NPNT: variants seen among roughly 807,000 people sequenced by gnomAD.
NPNT encodes preosteoblast EGF-like repeat protein with MAM domain.
NPNT carries 45 observed loss-of-function variants against 68.6 expected under a neutral mutation model. The observed-to-expected ratio is 0.66, with a 90% CI of 0.52 to 0.84. NPNT has a LOEUF of 0.84. NPNT is among the 40% of genes least tolerant of loss of function. NPNT has a pLI of 0.00. For synonymous variants in NPNT, 233 were observed against 253.3 expected (o/e 0.92, Z 0.76); for missense variants, 672 against 714.8 (o/e 0.94, Z 0.68).
intron 2 of NPNT, among the ~76,000 whole-genome samples, chr4:105,926,513 C>T (rs1255155970): frequency 6.6e-6 from 1 of 152,056 alleles, no homozygotes; most frequent in African/African-American, 2.4e-5. Context: ...CCTAGTGTGA[C>T]AACCAAAAAT....
At chr4:105,936,154 A>T (rs536054540) in intron 3 of NPNT, among the ~76,000 whole-genome samples, 1 of 152,312 alleles carries the variant, frequency 6.6e-6, no homozygotes, top group South Asian at 2.1e-4. Context: ...TTGTTGATTC[A>T]TTTCATATTG....
chr4:105,945,684 G>A (rs1279514074), intron 8 of NPNT, among the ~76,000 whole-genome samples: 1 of 152,082 alleles, frequency 6.6e-6, no homozygotes, highest in Non-Finnish European at 1.5e-5. Context: ...TGGAATACAG[G>A]CCCAAAATCC....
chr4:105,961,257 T>C (rs1034058687), intron 10 of NPNT, among the ~76,000 whole-genome samples: 14 of 152,204 alleles, frequency 9.2e-5, no homozygotes, highest in African/African-American at 3.1e-4. Flanking sequence ...CTGGCCTCAG[T>C]AGGTGTGCAT....
At chr4:105,959,361 T>C (rs1731496791) in intron 10 of NPNT, among the ~76,000 whole-genome samples, 1 of 152,148 alleles carries the variant, frequency 6.6e-6, no homozygotes, top group South Asian at 2.1e-4. Context: ...GGTCAACTAA[T>C]TTCTCTCAAA....
At chr4:105,914,450 CATAATATAATAT>C in intron 2 of NPNT, among the ~76,000 whole-genome samples, 1 of 127,614 alleles carries the variant, frequency 7.8e-6, no homozygotes, top group Middle Eastern at 4.1e-3. Flanking sequence ...ATTACATATA[CATAATATAATAT>C]ATAATATATT....
At position 105,967,304 on chromosome 4, in the gene NPNT, A is replaced by G. The variant is rs1274387390; in HGVS notation, c.1462A>G (p.Lys488Glu). Reference sequence around the variant, plus strand: ...GGACCTGTGCCTGTCATTCAGGCACAAGGTGACGGGGCTGCACTCTGGCAC... The same window carrying G: ...GGACCTGTGCCTGTCATTCAGGCACGAGGTGACGGGGCTGCACTCTGGCAC... ...SGDLCLSFRH[K>E]VTGLHSGTLQ... is the part of the protein sequence containing the mutation. The change falls in exon 11 of 12, where the codon AAG (lysine) becomes GAG (glutamate). Residue 488 changes from lysine (K) to glutamate (E), a missense_variant. Lys to Glu is a moderately conservative substitution (Grantham distance 56, BLOSUM62 1). Coordinates refer to ENST00000379987, the MANE Select transcript of NPNT (RefSeq NM_001033047.3). 2 of 1,613,874 alleles carry G rather than the reference A, an allele frequency of 1.2e-6. No homozygotes were observed. The highest frequency in any genetic ancestry group is 3.3e-5 in the Admixed American group (2 of 59,978).
At chr4:105,967,658 T>C (rs146735817) in intron 11 of NPNT, among the ~76,000 whole-genome samples, 5 of 152,026 alleles carry the variant, frequency 3.3e-5, no homozygotes, top group African/African-American at 1.2e-4. Context: ...TCACCACCTC[T>C]CCCTAACCCT....
At chr4:105,908,222 G>A (rs1258052985) in intron 2 of NPNT, among the ~76,000 whole-genome samples, 1 of 151,392 alleles carries the variant, frequency 6.6e-6, no homozygotes, top group African/African-American at 2.4e-5. Flanking sequence ...AGATGCCAGG[G>A]GAGTGCAAAT....
In NPNT at chr4:105,937,171, G is replaced by T. The variant is rs752789805; in HGVS notation, c.385+43G>T. 5 of 1,606,004 alleles carry T rather than the reference G, an allele frequency of 3.1e-6. No homozygotes were observed. The South Asian group carries it at 4.4e-5, about 14-fold the overall frequency. ...ACTGTTTTATAAGTGCTTTGGGCTT[G>T]TTTCTGTTGTGCTCTGAGAGCTTGC... is the stretch of plus-strand genomic sequence containing the variant. On this transcript the variant is annotated intron_variant, in intron 4 of 11. Transcript: ENST00000379987.
intron 8 of NPNT, among the ~76,000 whole-genome samples, chr4:105,947,168 T>A (rs1025407102): frequency 2.4e-4 from 36 of 152,194 alleles, no homozygotes; most frequent in African/African-American, 8.4e-4. Context: ...TTTTGCCTGA[T>A]CCCGCAGGCA....
intron 2 of NPNT, among the ~76,000 whole-genome samples, chr4:105,902,995 G>T (rs1238249403): frequency 6.6e-6 from 1 of 151,958 alleles, no homozygotes; most frequent in Non-Finnish European, 1.5e-5. Context: ...AAGCTAGAAG[G>T]CCAGGCCAAC....
Position 105,911,871 on chromosome 4 carries a change from GGAAAT to G in NPNT, c.172+13875_172+13879del, listed in dbSNP as rs544805747. The G allele has an allele frequency of 3.3e-3, 884 of 266,840 alleles. 5 individuals carry two copies. Among genetic ancestry groups the G allele is most frequent in the Non-Finnish European group, 5.1e-3 (720 of 140,028 alleles). 16.5% of individuals were successfully genotyped at this position (266,840 alleles called of 1,614,324 possible). On this transcript the variant is annotated intron_variant, in intron 2 of 11. Transcript: ENST00000379987. ...TCTAGGAATCAGAAATTAATATTCT[GGAAAT>G]GAAAAATTGGATTTGAAAATACAGC...
At chr4:105,937,934 A>G (rs572959317) in intron 4 of NPNT, among the ~76,000 whole-genome samples, 5 of 152,356 alleles carry the variant, frequency 3.3e-5, no homozygotes, top group South Asian at 2.1e-4. Context: ...CATGTTTAAC[A>G]TTGTGCAACT....
Position 105,895,505 on chromosome 4 carries a change from G to C in NPNT, c.-148G>C. 4.6e-6 allele frequency: 3 copies of C among 649,838 alleles called. No individual in the cohort carries two copies. The highest frequency in any genetic ancestry group is 7.7e-6 in the Non-Finnish European group (3 of 387,848). 40.3% of individuals were successfully genotyped at this position (649,838 alleles called of 1,614,324 possible). On this transcript the variant is annotated 5_prime_UTR_variant, in exon 1 of 12. Transcript: ENST00000379987. ...ACCTGCTCCGGCCGCGCGCCTCGCC[G>C]CTGTCCTCCGGGAGCGGCAGCAGTA...
rs11722309 is a variant in NPNT, at chr4:105,970,688, T to A, written c.*1698T>A. On this transcript the variant is annotated 3_prime_UTR_variant, in exon 12 of 12. Coordinates refer to ENST00000379987, the MANE Select transcript of NPNT (RefSeq NM_001033047.3). ...AGTATCTCTCTCTCTTTCTAAAAAA[T>A]TAGATAAAAATTTGTCTATTTAAGA... The A allele has an allele frequency of 0.021, 10,426 of 502,328 alleles. 396 individuals carry two copies. Among genetic ancestry groups the A allele is most frequent in the African/African-American group, 0.12 (6,159 of 51,918 alleles). 31.1% of individuals were successfully genotyped at this position (502,328 alleles called of 1,614,324 possible).
rs1729807137 is a variant in NPNT, at chr4:105,940,057, A to G, written c.506-18A>G. 4 of 1,610,860 alleles carry G rather than the reference A, an allele frequency of 2.5e-6. No individual in the cohort carries two copies. Among genetic ancestry groups the G allele is most frequent in the South Asian group, 1.1e-5 (1 of 91,034 alleles). ...ATACCCTTGCTCTTCCTAAAATGCT[A>G]TTGACTTATGTTTCTAGATGTTGAT... On this transcript the variant is annotated intron_variant, in intron 5 of 11. Coordinates refer to ENST00000379987, the MANE Select transcript of NPNT (RefSeq NM_001033047.3).
In NPNT at chr4:105,932,523, T is replaced by C. The variant is rs191157438; in HGVS notation, c.266-4486T>C. On this transcript the variant is annotated intron_variant, in intron 3 of 11. Coordinates refer to ENST00000379987, the MANE Select transcript of NPNT (RefSeq NM_001033047.3). ...CTTTTTAAACTCTACCAACTGTATG[T>C]AATTGTTTAATATATACTTGCAAAG... The C allele has an allele frequency of 4.9e-5, 36 of 738,744 alleles. No individual in the cohort carries two copies. The African/African-American group carries it at 6.1e-4, about 13-fold the overall frequency. The allele number at this position is 738,744 out of a possible 1,614,324, so 45.8% of individuals were successfully genotyped here. A position where few individuals can be genotyped will look rare whatever the true frequency, so the allele number is the denominator to read the frequency against.
At chr4:105,920,831 A>G (rs1728205562) in intron 2 of NPNT, among the ~76,000 whole-genome samples, 1 of 152,130 alleles carries the variant, frequency 6.6e-6, no homozygotes, top group African/African-American at 2.4e-5. Context: ...CTATGTTCTA[A>G]ATTACCATTG....
At chr4:105,899,187 T>G (rs11731982) in intron 2 of NPNT, among the ~76,000 whole-genome samples, 14,983 of 152,146 alleles carry the variant, frequency 0.098, 1,255 homozygotes, top group African/African-American at 0.23. Context: ...TTGACTCTAA[T>G]TGCACATAAA....
Sources: gnomAD v4.1 joint callset for allele counts (sites outside exome capture counted in the v4.1 genomes callset) on GRCh38, gnomAD v4.1.1 for gene constraint, MANE v1.5 for transcripts, NCBI Gene and HGNC (gene_info 2026-07-23, HGNC 2026-07-21) for gene names.